The following HPSE2 variants were observed in gnomAD, a reference collection of about 807,000 sequenced individuals.
HPSE2 encodes the protein inactive heparanase-2.
HPSE2 carries 38 observed loss-of-function variants against 60.5 expected under a neutral mutation model. The observed-to-expected ratio is 0.63, with a 90% CI of 0.48 to 0.82. The LOEUF is 0.82. HPSE2 is among the 40% of genes least tolerant of loss of function. HPSE2 has a pLI of 0.00. For synonymous variants in HPSE2, 295 were observed against 293.2 expected (o/e 1.01, Z -0.06); for missense variants, 713 against 740.4 (o/e 0.96, Z 0.43).
intron 3 of HPSE2, among the ~76,000 whole-genome samples, chr10:98,883,410 TAGAC>T (rs1953080590): frequency 6.6e-6 from 1 of 152,086 alleles, no homozygotes; most frequent in Admixed American, 6.6e-5. Context: ...TCTAAAAACA[TAGAC>T]ATTCACTGTA....
chr10:98,830,243 T>C (rs1951653456), intron 3 of HPSE2, among the ~76,000 whole-genome samples: 1 of 152,092 alleles, frequency 6.6e-6, no homozygotes, highest in South Asian at 2.1e-4. Flanking sequence ...TACATTCTAT[T>C]GGGGAAGACA....
chr10:99,167,953 A>G (rs1166973683), intron 2 of HPSE2, among the ~76,000 whole-genome samples: 6 of 152,082 alleles, frequency 3.9e-5, no homozygotes, highest in African/African-American at 1.4e-4. Context: ...ACACATAAAT[A>G]TATTCGTTAT....
intron 9 of HPSE2, among the ~76,000 whole-genome samples, chr10:98,579,395 A>C (rs142129768): frequency 2.0e-5 from 3 of 152,324 alleles, no homozygotes; most frequent in African/African-American, 7.2e-5. Context: ...TGAAGATTTA[A>C]AGAGTCTTAG....
intron 3 of HPSE2, among the ~76,000 whole-genome samples, chr10:98,990,434 G>A (rs1274175047): frequency 6.6e-6 from 1 of 152,176 alleles, no homozygotes; most frequent in Non-Finnish European, 1.5e-5. Flanking sequence ...CTGACAGGAG[G>A]TGGAGCTCAG....
intron 6 of HPSE2, among the ~76,000 whole-genome samples, chr10:98,683,357 A>G (rs1947832893): frequency 1.3e-5 from 2 of 150,976 alleles, no homozygotes; most frequent in South Asian, 4.2e-4. Context: ...AGGGACCATG[A>G]AAAAAAAACA....
Position 98,620,687 on chromosome 10 carries a change from C to T in HPSE2, c.1120G>A (p.Gly374Arg). Reference sequence around the variant, plus strand: ...ACACCTTCAAGCCAAATCTTCTTTCCTGGAGTGTATGTATTAACCACCTGT... The same window carrying T: ...ACACCTTCAAGCCAAATCTTCTTTCTTGGAGTGTATGTATTAACCACCTGT... ...IQKVVNTYTP[G>R]KKIWLEGVVT... Residue 374 changes from glycine to arginine, a missense_variant, in exon 8 of 12, where the codon GGA becomes AGA. By Grantham distance (125) the Gly-to-Arg change is moderately radical. Transcript: ENST00000370552. 6 of 1,613,822 alleles carry T rather than the reference C, an allele frequency of 3.7e-6. No individual in the cohort carries two copies. Among genetic ancestry groups the T allele is most frequent in the Non-Finnish European group, 5.1e-6 (6 of 1,179,788 alleles).
At chr10:98,595,164 ATTTT>A (rs34509249) in intron 9 of HPSE2, among the ~76,000 whole-genome samples, 228 of 91,704 alleles carry the variant, frequency 2.5e-3, no homozygotes, top group African/African-American at 8.7e-3. Flanking sequence ...TATAAATGAG[ATTTT>A]TTTTTTTTTT....
At chr10:98,585,911 C>T (rs903517094) in intron 9 of HPSE2, among the ~76,000 whole-genome samples, 23 of 145,540 alleles carry the variant, frequency 1.6e-4, no homozygotes, top group Non-Finnish European at 1.6e-4. Flanking sequence ...GAGATTGCCC[C>T]ATTACACTCC....
At chr10:98,558,382 A>G (rs1944074778) in intron 9 of HPSE2, among the ~76,000 whole-genome samples, 1 of 152,242 alleles carries the variant, frequency 6.6e-6, no homozygotes. Context: ...AAACAATAAA[A>G]TGGATTTATA....
chr10:98,596,331 TTAG>T (rs959748728), intron 9 of HPSE2, among the ~76,000 whole-genome samples: 10 of 109,494 alleles, frequency 9.1e-5, no homozygotes, highest in African/African-American at 3.3e-4. Context: ...ATTGTTATTT[TTAG>T]TAGTTTTTTA....
intron 9 of HPSE2, among the ~76,000 whole-genome samples, chr10:98,581,542 C>T (rs1413534470): frequency 6.6e-6 from 1 of 152,042 alleles, no homozygotes; most frequent in Non-Finnish European, 1.5e-5. Context: ...ACAGTAAGTA[C>T]AGCTGTCAGA....
chr10:98,578,429 C>T (rs1944700691), intron 9 of HPSE2, among the ~76,000 whole-genome samples: 1 of 152,186 alleles, frequency 6.6e-6, no homozygotes, highest in Non-Finnish European at 1.5e-5. Context: ...TTCTGGGCCA[C>T]ACTCCTGCTT....
At chr10:98,885,239 G>T (rs910047447) in intron 3 of HPSE2, among the ~76,000 whole-genome samples, 2 of 152,134 alleles carry the variant, frequency 1.3e-5, no homozygotes, top group African/African-American at 4.8e-5. Flanking sequence ...TGACTGAATT[G>T]CAACAACCTC....
chr10:98,801,190 G>A (rs1565172899), intron 3 of HPSE2, among the ~76,000 whole-genome samples: 2 of 151,974 alleles, frequency 1.3e-5, no homozygotes, highest in Admixed American at 6.6e-5. Context: ...CAAATAACTA[G>A]GTACTGAAGG....
At chr10:99,189,963 A>G (rs898595919) in intron 2 of HPSE2, among the ~76,000 whole-genome samples, 8 of 152,140 alleles carry the variant, frequency 5.3e-5, no homozygotes, top group Admixed American at 6.6e-5. Flanking sequence ...AGGGCCTCCA[A>G]CCCTCTGCGA....
intron 3 of HPSE2, among the ~76,000 whole-genome samples, chr10:98,765,740 G>A (rs1412972086): frequency 3.3e-5 from 5 of 152,114 alleles, no homozygotes; most frequent in African/African-American, 1.2e-4. Context: ...TTACTCAGGA[G>A]GCTGAGGCAG....
intron 3 of HPSE2, among the ~76,000 whole-genome samples, chr10:99,023,323 C>G (rs1209330619): frequency 6.6e-6 from 1 of 152,020 alleles, no homozygotes; most frequent in Non-Finnish European, 1.5e-5. Context: ...GCCATGTCAG[C>G]CACAGTACAA....
At chr10:99,220,907 G>C (rs1373416426) in intron 2 of HPSE2, among the ~76,000 whole-genome samples, 1 of 143,478 alleles carries the variant, frequency 7.0e-6, no homozygotes, top group African/African-American at 2.6e-5. Context: ...CCAGGCTGGA[G>C]TGCAACAGCT....
intron 3 of HPSE2, among the ~76,000 whole-genome samples, chr10:99,080,590 C>T (rs920196855): frequency 2.0e-5 from 3 of 152,118 alleles, no homozygotes; most frequent in African/African-American, 7.2e-5. Flanking sequence ...TTAGGGATGC[C>T]AAGTCTACAT....
Sources: gnomAD v4.1 joint callset for allele counts (sites outside exome capture counted in the v4.1 genomes callset) on GRCh38, gnomAD v4.1.1 for gene constraint, MANE v1.5 for transcripts, NCBI Gene and HGNC (gene_info 2026-07-23, HGNC 2026-07-21) for gene names.